Variants in PCDHA11 observed in about 807,000 individuals in gnomAD.
The protein encoded by PCDHA11 is protocadherin alpha-11.
PCDHA11 carries 61 observed loss-of-function variants against 70.3 expected under a neutral mutation model. The observed-to-expected ratio is 0.87, with a 90% confidence interval of 0.71 to 1.07. PCDHA11 has a LOEUF of 1.07. PCDHA11 is among the 50% of genes least tolerant of loss of function. PCDHA11 has a pLI of 0.00. For missense variants in PCDHA11, 1,324 were observed against 1,237.5 expected, an observed-to-expected ratio of 1.07 and a Z score of -1.05; for synonymous variants, 633 against 555.1, an observed-to-expected ratio of 1.14 and a Z score of -1.97.
intron 3 of PCDHA11, among the ~76,000 whole-genome samples, chr5:140,998,786 A>G (rs1210415944): frequency 1.3e-5 from 2 of 152,026 alleles, no homozygotes; most frequent in African/African-American, 4.8e-5. Flanking sequence ...CTGGTCTGGA[A>G]CCCCTGACCT....
intron 1 of PCDHA11, among the ~76,000 whole-genome samples, chr5:140,893,688 C>G (rs903086896): frequency 6.6e-6 from 1 of 152,168 alleles, no homozygotes; most frequent in Admixed American, 6.5e-5. Context: ...TATATCATCT[C>G]ATTCTATCCT....
At chr5:140,923,304 G>T (rs933906504) in intron 1 of PCDHA11, among the ~76,000 whole-genome samples, 2 of 152,172 alleles carry the variant, frequency 1.3e-5, no homozygotes, top group East Asian at 3.9e-4. Context: ...TGGGCGTGGG[G>T]GCGCTTGGCC....
rs782464928 is a variant in PCDHA11 at position 140,870,504 on chromosome 5, C to G, written c.1401C>G (p.Asn467Lys). 1.1e-5 allele frequency: 18 copies of G among 1,614,232 alleles called. No individual in the cohort carries two copies. The highest frequency in any genetic ancestry group is 3.4e-6 in the Non-Finnish European group (4 of 1,180,044). Residue 467 changes from asparagine (N) to lysine (K), a missense_variant, in exon 1 of 4, where the codon AAC becomes AAG. Transcript: ENST00000398640. ...ACACCGTGTTCGTGAAGGAGAACAA[C>G]CCACCAGGCTGCCACATCTTCACAG... ...PEYTVFVKENNPPGCHIFTVS... is the reference protein window; with the variant it reads ...PEYTVFVKENKPPGCHIFTVS...
At position 140,875,988 on chromosome 5, in the gene PCDHA11, A is replaced by G. The variant is rs144050089; in HGVS notation, c.2391+4494A>G. On this transcript the variant is annotated intron_variant, in intron 1 of 3. Transcript: ENST00000398640. ...TAAACTCTCTTTTGACCTATGCGTT[A>G]AGTCTAAATGAGAATTTTGAGCTTA... 4,280 of 1,614,014 alleles carry G rather than the reference A, an allele frequency of 2.7e-3. 13 individuals are homozygous for G. The highest frequency in any genetic ancestry group is 3.4e-3 in the Non-Finnish European group (4,021 of 1,179,898).
chr5:140,872,203 T>C (rs2053540668), intron 1 of PCDHA11, among the ~76,000 whole-genome samples: 1 of 152,208 alleles, frequency 6.6e-6, no homozygotes, highest in Non-Finnish European at 1.5e-5. Context: ...CATCATAAAT[T>C]CATTATATAT....
intron 2 of PCDHA11, among the ~76,000 whole-genome samples, chr5:140,979,550 T>C (rs1201791524): frequency 5.3e-5 from 8 of 152,238 alleles, no homozygotes; most frequent in Non-Finnish European, 7.3e-5. Flanking sequence ...ACATGGTTCT[T>C]CAGAAGATGA....
intron 3 of PCDHA11, among the ~76,000 whole-genome samples, chr5:141,000,500 T>A (rs1440390927): frequency 5.7e-5 from 8 of 140,516 alleles, no homozygotes; most frequent in Non-Finnish European, 1.2e-4. Context: ...AGATCTCGGC[T>A]CACTGCAACC....
intron 1 of PCDHA11, chr5:140,966,461 C>A: frequency 2.3e-6 from 1 of 429,006 alleles, no homozygotes; most frequent in East Asian, 3.5e-5. Flanking sequence ...CCCCCTCTGT[C>A]TTCCCTTCTG....
chr5:141,006,357 G>A (rs1296731156), intron 3 of PCDHA11, among the ~76,000 whole-genome samples: 1 of 151,914 alleles, frequency 6.6e-6, no homozygotes, highest in Middle Eastern at 3.4e-3. Context: ...GACTATAGGC[G>A]CCCACCACCA....
intron 1 of PCDHA11, among the ~76,000 whole-genome samples, chr5:140,944,291 G>T (rs155813): frequency 6.6e-6 from 1 of 151,928 alleles, no homozygotes; most frequent in African/African-American, 2.4e-5. Flanking sequence ...GGGCTCAAGC[G>T]ATCCTCCTAC....
chr5:140,897,701 C>T (rs1161358145), intron 1 of PCDHA11, among the ~76,000 whole-genome samples: 58 of 152,238 alleles, frequency 3.8e-4, no homozygotes, highest in Non-Finnish European at 7.4e-4. Flanking sequence ...TGGGCATATA[C>T]CCAGTAATGG....
intron 1 of PCDHA11, among the ~76,000 whole-genome samples, chr5:140,952,792 T>C (rs2094798499): frequency 6.6e-6 from 1 of 152,210 alleles, no homozygotes; most frequent in African/African-American, 2.4e-5. Flanking sequence ...GAGGTTTAAC[T>C]GGCTCGCAGT....
In PCDHA11 at chr5:140,871,252, T is replaced by A. The variant is rs782280300; in HGVS notation, c.2149T>A (p.Tyr717Asn). The A allele has an allele frequency of 2.5e-6, 4 of 1,613,990 alleles. No homozygotes were observed. The highest frequency in any genetic ancestry group is 1.7e-6 in the Non-Finnish European group (2 of 1,179,954). ...SSLLVLTLLLYTALWWSATPT... is the reference protein window; with the variant it reads ...SSLLVLTLLLNTALWWSATPT... The stretch of plus-strand genomic sequence containing the variant: ...CCTCCTGGTACTCACGCTGCTGCTG[T>A]ATACGGCGCTGTGGTGGTCGGCAAC... Residue 717 changes from tyrosine (Y) to asparagine (N), a missense_variant, in exon 1 of 4, where the codon TAT (tyrosine) becomes AAT (asparagine). Coordinates refer to ENST00000398640, the MANE Select transcript of PCDHA11 (RefSeq NM_018902.5).
At chr5:140,910,028 T>C (rs1402911275) in intron 1 of PCDHA11, among the ~76,000 whole-genome samples, 4 of 152,222 alleles carry the variant, frequency 2.6e-5, no homozygotes, top group African/African-American at 9.6e-5. Flanking sequence ...ATCCCTGGGA[T>C]AAATCCCACT....
At chr5:140,994,720 A>C (rs2097647295) in intron 3 of PCDHA11, among the ~76,000 whole-genome samples, 1 of 152,160 alleles carries the variant, frequency 6.6e-6, no homozygotes. Flanking sequence ...AAAATTTAAA[A>C]TACTGGGTAT....
intron 3 of PCDHA11, among the ~76,000 whole-genome samples, chr5:141,007,654 C>T (rs1461130528): frequency 6.6e-6 from 1 of 152,052 alleles, no homozygotes; most frequent in Non-Finnish European, 1.5e-5. Context: ...CCTAAAAAAC[C>T]ATAAATTTAC....
At chr5:140,939,317 A>T (rs2092365663) in intron 1 of PCDHA11, among the ~76,000 whole-genome samples, 1 of 152,148 alleles carries the variant, frequency 6.6e-6, no homozygotes, top group Admixed American at 6.5e-5. Flanking sequence ...CTACCTCCTA[A>T]TATCATAATC....
chr5:140,912,260 C>T (rs1451576363), intron 1 of PCDHA11, among the ~76,000 whole-genome samples: 2 of 152,160 alleles, frequency 1.3e-5, no homozygotes, highest in African/African-American at 4.8e-5. Context: ...TTTGATGACA[C>T]CCTCACAGAT....
chr5:140,978,103 A>T (rs2096789005), intron 1 of PCDHA11, among the ~76,000 whole-genome samples: 1 of 152,106 alleles, frequency 6.6e-6, no homozygotes, highest in South Asian at 2.1e-4. Context: ...AACTCCCCCA[A>T]CAGTCTTTAA....
Sources: allele counts gnomAD v4.1 joint callset (sites outside exome capture counted in the v4.1 genomes callset), GRCh38; gene constraint gnomAD v4.1.1; transcripts MANE v1.5; gene names NCBI Gene and HGNC (gene_info 2026-07-23, HGNC 2026-07-21).